The following HINT3 variants were observed in gnomAD, a reference collection of about 807,000 sequenced individuals.
HINT3 encodes histidine triad nucleotide binding protein 3.
A neutral mutation model predicts 19.1 loss-of-function variants in HINT3; 16 were observed. The observed-to-expected ratio is 0.84, with a 90% CI of 0.57 to 1.27. HINT3 has a LOEUF of 1.27. Among genes scored for constraint, HINT3 ranks in the 50% most tolerant of loss-of-function variants. The probability of loss-of-function intolerance (pLI) is 0.00; values close to 1 mark genes in which losing one functional copy is unlikely to be tolerated. For missense variants in HINT3, 197 were observed against 225.8 expected (o/e 0.87, Z 0.82); for synonymous variants, 75 against 84.8 (o/e 0.88, Z 0.63).
At chr6:125,976,158 T>A (rs966170969) in intron 4 of HINT3, among the ~76,000 whole-genome samples, 2 of 152,212 alleles carry the variant, frequency 1.3e-5, no homozygotes, top group South Asian at 2.1e-4. Flanking sequence ...CAGAAAAATT[T>A]AAAAAGTGTC....
chr6:125,967,011 T>A lies in HINT3; in HGVS notation c.319+7T>A, dbSNP rs753610538. On this transcript the variant is annotated splice_region_variant and intron_variant, in intron 2 of 4. Transcript: ENST00000229633. Reference sequence around the variant, plus strand: ...AAAGATCAAGTAGAACTGGGTAAGATGATGGCAGTATTCTTCATGTTTATA... The same window carrying A: ...AAAGATCAAGTAGAACTGGGTAAGAAGATGGCAGTATTCTTCATGTTTATA... 3.4e-6 allele frequency: 5 copies of A among 1,488,350 alleles called. No individual in the cohort carries two copies. In the African/African-American group the frequency reaches 4.2e-5, roughly 12 times the overall value. 92.2% of individuals were successfully genotyped at this position (1,488,350 alleles called of 1,614,324 possible). A position where few individuals can be genotyped will look rare whatever the true frequency, so the allele number is the denominator to read the frequency against.
chr6:125,960,655 T>G (rs886898929), intron 1 of HINT3, among the ~76,000 whole-genome samples: 27 of 76,250 alleles, frequency 3.5e-4, no homozygotes, highest in South Asian at 1.5e-3. Context: ...AGACTCTCTC[T>G]GGGGGGGGGG....
At chr6:125,958,017 A>C (rs999776497) in intron 1 of HINT3, among the ~76,000 whole-genome samples, 5 of 152,198 alleles carry the variant, frequency 3.3e-5, no homozygotes, top group African/African-American at 1.2e-4. Context: ...ATGTATACAG[A>C]GGAGGTAGCC....
chr6:125,973,588 C>T (rs138778041), intron 3 of HINT3, among the ~76,000 whole-genome samples: 1 of 152,270 alleles, frequency 6.6e-6, no homozygotes, highest in Non-Finnish European at 1.5e-5. Context: ...CATTTAGCCT[C>T]TCCAAGATAA....
intron 1 of HINT3, 106 bp downstream of exon 1, chr6:125,957,284 C>T (rs1788854029): frequency 8.2e-6 from 10 of 1,219,546 alleles, no homozygotes; most frequent in Non-Finnish European, 1.0e-5. Context: ...ATCCCGATCG[C>T]TACTCAGCTC....
intron 1 of HINT3, among the ~76,000 whole-genome samples, chr6:125,958,749 G>T (rs575151617): frequency 6.6e-6 from 1 of 152,230 alleles, no homozygotes; most frequent in African/African-American, 2.4e-5. Context: ...ACTTCTAGGG[G>T]TTGCTTCTGG....
intron 2 of HINT3, among the ~76,000 whole-genome samples, chr6:125,969,564 A>G (rs1203961293): frequency 6.6e-6 from 1 of 152,132 alleles, no homozygotes; most frequent in Admixed American, 6.5e-5. Flanking sequence ...TTGAATCCAT[A>G]GATTACTTTG....
chr6:125,976,120 A>T (rs766612872), intron 4 of HINT3, among the ~76,000 whole-genome samples: 4 of 152,230 alleles, frequency 2.6e-5, no homozygotes, highest in African/African-American at 9.6e-5. Flanking sequence ...ATCATTAGTT[A>T]ATGAATGGTA....
At chr6:125,965,022 T>G (rs780511118) in intron 1 of HINT3, among the ~76,000 whole-genome samples, 14 of 152,178 alleles carry the variant, frequency 9.2e-5, no homozygotes, top group Non-Finnish European at 1.8e-4. Flanking sequence ...TCATGTTGAT[T>G]GGTAGTTTTT....
intron 1 of HINT3, among the ~76,000 whole-genome samples, chr6:125,961,802 T>A (rs995772385): frequency 1.3e-4 from 20 of 151,998 alleles, no homozygotes; most frequent in African/African-American, 4.8e-4. Flanking sequence ...TCTGTATTAA[T>A]GTGACTGGAC....
At chr6:125,962,253 C>T (rs868751172) in intron 1 of HINT3, among the ~76,000 whole-genome samples, 3 of 12,634 alleles carry the variant, frequency 2.4e-4, no homozygotes, top group African/African-American at 8.1e-4. Context: ...TATATATACA[C>T]ACATATATAT....
intron 4 of HINT3, among the ~76,000 whole-genome samples, chr6:125,975,822 C>A (rs745547140): frequency 1.2e-4 from 18 of 152,142 alleles, no homozygotes; most frequent in Non-Finnish European, 2.5e-4. Context: ...ATGATCCACC[C>A]GCCTTGGTGT....
chr6:125,973,963 G>A (rs1206286342), intron 3 of HINT3, among the ~76,000 whole-genome samples: 4 of 152,158 alleles, frequency 2.6e-5, no homozygotes, highest in Non-Finnish European at 4.4e-5. Context: ...CTGTTTGGCA[G>A]AAGGAAAACC....
intron 4 of HINT3, 30 bp downstream of exon 4, chr6:125,975,003 C>G (rs757254631): frequency 9.4e-6 from 15 of 1,602,228 alleles, no homozygotes; most frequent in Non-Finnish European, 1.2e-5. Context: ...CAGCAGCATA[C>G]AAAAATATTT....
chr6:125,961,885 C>T (rs923619889), intron 1 of HINT3, among the ~76,000 whole-genome samples: 4 of 151,944 alleles, frequency 2.6e-5, no homozygotes, highest in African/African-American at 9.7e-5. Context: ...TCTTCTTGGC[C>T]TCTCTGTGAA....
At chr6:125,960,671 A>ATGGG (rs1562211533) in intron 1 of HINT3, among the ~76,000 whole-genome samples, 2 of 92,472 alleles carry the variant, frequency 2.2e-5, no homozygotes, top group Non-Finnish European at 4.5e-5. Flanking sequence ...GGGGGAAAAA[A>ATGGG]AAAGAAGTTA....
chr6:125,972,740 G>C (rs1400717016), intron 3 of HINT3, among the ~76,000 whole-genome samples: 1 of 151,928 alleles, frequency 6.6e-6, no homozygotes, highest in Non-Finnish European at 1.5e-5. Context: ...GGCAAGTACT[G>C]CCACACCCGG....
chr6:125,974,097 C>T (rs188035771), intron 3 of HINT3, among the ~76,000 whole-genome samples: 37 of 152,312 alleles, frequency 2.4e-4, no homozygotes, highest in African/African-American at 8.4e-4. Context: ...TCCACACTTC[C>T]ACTCACTGAT....
intron 1 of HINT3, among the ~76,000 whole-genome samples, chr6:125,962,707 C>T (rs1300598449): frequency 2.0e-5 from 3 of 152,138 alleles, no homozygotes; most frequent in Non-Finnish European, 4.4e-5. Flanking sequence ...ACTCCATAAA[C>T]CTCCATATGG....
Sources: gnomAD v4.1 joint callset for allele counts (sites outside exome capture counted in the v4.1 genomes callset) on GRCh38, gnomAD v4.1.1 for gene constraint, MANE v1.5 for transcripts, NCBI Gene and HGNC (gene_info 2026-07-23, HGNC 2026-07-21) for gene names.